Variants in FNDC3A observed in about 807,000 individuals in gnomAD.
The protein encoded by FNDC3A is fibronectin type-III domain-containing protein 3A.
In FNDC3A, 32 loss-of-function variants were observed where a neutral mutation model predicts 148.9. The observed-to-expected ratio is 0.21, with a 90% CI of 0.16 to 0.29. The LOEUF is 0.29. Ranked by LOEUF, FNDC3A falls within the 10% of genes least tolerant of loss-of-function variation. FNDC3A has a pLI of 1.00. For synonymous variants in FNDC3A, 472 were observed against 473.6 expected, an observed-to-expected ratio of 1.00 and a Z score of 0.04; for missense variants, 1,191 against 1,452.8, an observed-to-expected ratio of 0.82 and a Z score of 2.93.
chr13:49,124,727 A>C (rs767613046), intron 4 of FNDC3A, among the ~76,000 whole-genome samples: 1 of 152,210 alleles, frequency 6.6e-6, no homozygotes, highest in Non-Finnish European at 1.5e-5. Context: ...TGCCAGTGGA[A>C]TTAAGTTATC....
chr13:49,075,802 C>CT (rs1555287824), intron 3 of FNDC3A, among the ~76,000 whole-genome samples: 1 of 135,214 alleles, frequency 7.4e-6, no homozygotes, highest in Non-Finnish European at 1.6e-5. Context: ...TCACCACTGC[C>CT]CCCCCCACCC....
chr13:49,028,727 G>A (rs1873905245), intron 2 of FNDC3A, among the ~76,000 whole-genome samples: 1 of 152,166 alleles, frequency 6.6e-6, no homozygotes, highest in Non-Finnish European at 1.5e-5. Flanking sequence ...CCATCAAGCT[G>A]CCAAATATCT....
chr13:49,145,649 A>G (rs1882949890), intron 7 of FNDC3A, 129 bp from the exon 8 acceptor site: 1 of 722,702 alleles, frequency 1.4e-6, no homozygotes, highest in South Asian at 1.8e-5. Context: ...GCAGGTTTAT[A>G]TTTGTGAGCC....
intron 2 of FNDC3A, among the ~76,000 whole-genome samples, chr13:49,069,638 TACAC>T (rs1396101111): frequency 6.6e-6 from 1 of 152,190 alleles, no homozygotes; most frequent in African/African-American, 2.4e-5. Context: ...TACATACACA[TACAC>T]ACAAGTGCTC....
At position 49,070,134 on chromosome 13, in the gene FNDC3A, A is replaced by T. The variant is rs559218305; in HGVS notation, c.100-5155A>T. ...TAGTGTTTTTTTAAAATTTATTTTT[A>T]TTTATTTATTTTTTTGAGACAGAGT... On this transcript the variant is annotated intron_variant, in intron 2 of 25. Transcript: ENST00000492622. 3.9e-5 allele frequency among the ~76,000 whole-genome samples: 6 copies of T among 152,180 alleles called. No homozygotes were observed. The East Asian group carries it at 9.6e-4, about 24-fold the overall frequency.
chr13:49,158,191 C>T (rs9568160), intron 8 of FNDC3A, among the ~76,000 whole-genome samples: 4,930 of 152,254 alleles, frequency 0.032, 122 homozygotes, highest in South Asian at 0.13. Flanking sequence ...GGCGTAGGAC[C>T]CTCCGAGCCA....
intron 3 of FNDC3A, among the ~76,000 whole-genome samples, chr13:49,093,541 G>A (rs932218823): frequency 2.6e-5 from 4 of 152,084 alleles, no homozygotes; most frequent in African/African-American, 4.8e-5. Context: ...AAGAAATTGA[G>A]ACACAGGTTA....
At chr13:49,091,566 C>T (rs1879192805) in intron 3 of FNDC3A, among the ~76,000 whole-genome samples, 1 of 152,232 alleles carries the variant, frequency 6.6e-6, no homozygotes, top group Non-Finnish European at 1.5e-5. Context: ...GATTTCCCTT[C>T]ACTGTTGTCC....
chr13:49,174,012 G>T (rs1479441130), intron 11 of FNDC3A, among the ~76,000 whole-genome samples: 1 of 152,138 alleles, frequency 6.6e-6, no homozygotes, highest in African/African-American at 2.4e-5. Context: ...TATCTAGTTG[G>T]AAGTTTGGGC....
At chr13:48,986,418 C>A (rs1426251467) in intron 1 of FNDC3A, among the ~76,000 whole-genome samples, 1 of 30,346 alleles carries the variant, frequency 3.3e-5, no homozygotes, top group Non-Finnish European at 5.9e-5. Context: ...TTTTTTGAGG[C>A]GGAGTCTTGC....
At chr13:48,976,670 G>C (rs1336525132) in intron 1 of FNDC3A, 1 of 152,376 alleles carries the variant, frequency 6.6e-6, no homozygotes, top group African/African-American at 2.4e-5. Flanking sequence ...TTGGCCGCCC[G>C]GCAGCCGCCG....
At chr13:49,009,674 A>G (rs1952297125) in intron 2 of FNDC3A, among the ~76,000 whole-genome samples, 1 of 152,170 alleles carries the variant, frequency 6.6e-6, no homozygotes, top group African/African-American at 2.4e-5. Context: ...GTTTTATAGA[A>G]CATAAGCTTC....
At chr13:49,144,997 A>G (rs908095010) in intron 7 of FNDC3A, among the ~76,000 whole-genome samples, 2 of 152,160 alleles carry the variant, frequency 1.3e-5, no homozygotes, top group African/African-American at 2.4e-5. Flanking sequence ...ATGTACCATC[A>G]TTTAGGTAGT....
At chr13:49,097,599 C>CT (rs888153812) in intron 3 of FNDC3A, among the ~76,000 whole-genome samples, 12 of 152,024 alleles carry the variant, frequency 7.9e-5, no homozygotes, top group Admixed American at 6.6e-5. Context: ...AAGGGTAATG[C>CT]TTTAAGTGTA....
intron 1 of FNDC3A, among the ~76,000 whole-genome samples, chr13:48,998,017 A>T (rs970347750): frequency 6.6e-6 from 1 of 152,138 alleles, no homozygotes; most frequent in Non-Finnish European, 1.5e-5. Flanking sequence ...AGGAGGACAC[A>T]TAAATAATCA....
At chr13:49,021,415 T>G (rs773698994) in intron 2 of FNDC3A, among the ~76,000 whole-genome samples, 1 of 152,204 alleles carries the variant, frequency 6.6e-6, no homozygotes, top group Non-Finnish European at 1.5e-5. Context: ...GCCCTGGGAC[T>G]GGGTGTTTCC....
Position 49,015,480 on chromosome 13 carries a change from C to A in FNDC3A, c.99+9191C>A, listed in dbSNP as rs193146020. ...CTGAGACTTTGCTGAAGTTGCTTAT[C>A]AGCTTAAGAAGATTTTGGGCTGAGA... On this transcript the variant is annotated intron_variant, in intron 2 of 25. Transcript: ENST00000492622. Among the ~76,000 whole-genome samples, 7 of 152,322 alleles carry A rather than the reference C, an allele frequency of 4.6e-5. No individual in the cohort carries two copies. The East Asian group carries it at 1.3e-3, about 29-fold the overall frequency.
chr13:49,081,080 A>G (rs557736550), intron 3 of FNDC3A, among the ~76,000 whole-genome samples: 22 of 152,324 alleles, frequency 1.4e-4, no homozygotes, highest in Non-Finnish European at 3.1e-4. Flanking sequence ...GTGTCAAACA[A>G]GTAGATGTGT....
At position 48,995,481 on chromosome 13, in the gene FNDC3A, T is replaced by C. The variant is rs551091698; in HGVS notation, c.-39-10671T>C. On this transcript the variant is annotated intron_variant, in intron 1 of 25. Coordinates refer to ENST00000492622, the MANE Select transcript of FNDC3A (RefSeq NM_001079673.2). ...AAATCTTTTGAATTATAAAAAGCTG[T>C]CTTTTTTTAAATTTAATATCAGTCA... 3.9e-5 allele frequency among the ~76,000 whole-genome samples: 6 copies of C among 152,294 alleles called. No individual in the cohort carries two copies. In the South Asian group the frequency reaches 1.2e-3, roughly 32 times the overall value.
Sources: allele counts gnomAD v4.1 joint callset (sites outside exome capture counted in the v4.1 genomes callset), GRCh38; gene constraint gnomAD v4.1.1; transcripts MANE v1.5; gene names NCBI Gene and HGNC (gene_info 2026-07-23, HGNC 2026-07-21).